The following NPSR1 variants were observed in gnomAD, a reference collection of about 807,000 sequenced individuals.
NPSR1 encodes neuropeptide S receptor.
NPSR1 carries 48 observed loss-of-function variants against 46.9 expected under a neutral mutation model. The observed-to-expected ratio is 1.02, with a 90% CI of 0.81 to 1.30. The LOEUF (loss-of-function observed/expected upper bound fraction) is 1.30, where lower values mean the gene tolerates loss of function less well. Among genes scored for constraint, NPSR1 ranks in the 50% most tolerant of loss-of-function variants. The pLI, the probability that NPSR1 is intolerant of heterozygous loss-of-function variation, is 0.00. For missense variants in NPSR1, 450 were observed against 449.5 expected, an observed-to-expected ratio of 1.00 and a Z score of -0.01; for synonymous variants, 176 against 168.1, an observed-to-expected ratio of 1.05 and a Z score of -0.36.
intron 8 of NPSR1, among the ~76,000 whole-genome samples, chr7:34,862,170 G>A (rs1272437528): frequency 6.6e-6 from 1 of 151,644 alleles, no homozygotes; most frequent in East Asian, 1.9e-4. Context: ...TTGACTTCCT[G>A]TCTGCCAAAA....
intron 4 of NPSR1, 142 bp from the exon 5 acceptor site, chr7:34,827,259 C>T: frequency 4.7e-6 from 3 of 645,142 alleles, no homozygotes; most frequent in Non-Finnish European, 8.2e-6. Flanking sequence ...TCCCTGTTTA[C>T]AGAGAAGGAA....
At chr7:34,751,466 C>T (rs1292193940) in intron 2 of NPSR1, 15 of 1,161,914 alleles carry the variant, frequency 1.3e-5, no homozygotes, top group East Asian at 2.3e-5. Context: ...TTGCAGAAGC[C>T]GCGGATTAGT....
intron 2 of NPSR1, among the ~76,000 whole-genome samples, chr7:34,693,689 CA>C (rs1296849640): frequency 1.3e-5 from 2 of 151,990 alleles, no homozygotes; most frequent in Non-Finnish European, 2.9e-5. Flanking sequence ...ACAACAACAA[CA>C]ATACAAAAAA....
chr7:34,801,717 A>G (rs1313925646), intron 3 of NPSR1, among the ~76,000 whole-genome samples: 1 of 147,650 alleles, frequency 6.8e-6, no homozygotes, highest in East Asian at 2.0e-4. Flanking sequence ...AGTTCTGGCC[A>G]GGGCAATTAG....
At chr7:34,703,869 A>G (rs867609626) in intron 2 of NPSR1, 18 of 149,050 alleles carry the variant, frequency 1.2e-4, no homozygotes, top group African/African-American at 4.5e-4. Flanking sequence ...AAAAATGCGG[A>G]ACTAATAAGA....
At chr7:34,677,541 C>A (rs1045389029) in intron 1 of NPSR1, among the ~76,000 whole-genome samples, 2 of 152,190 alleles carry the variant, frequency 1.3e-5, no homozygotes, top group Admixed American at 1.3e-4. Flanking sequence ...AAAAGGCTTC[C>A]ATATCAGAAG....
intron 8 of NPSR1, among the ~76,000 whole-genome samples, chr7:34,858,282 A>G (rs1426576828): frequency 6.6e-6 from 1 of 151,686 alleles, no homozygotes; most frequent in African/African-American, 2.4e-5. Context: ...TTGGAGGCAA[A>G]ACAAATGCTT....
intron 2 of NPSR1, chr7:34,750,440 G>T (rs991020825): frequency 1.3e-6 from 1 of 743,500 alleles, no homozygotes; most frequent in African/African-American, 1.7e-5. Flanking sequence ...GGGCTCTGGT[G>T]TGACGAAGTC....
At chr7:34,874,728 G>C (rs13307507) in intron 8 of NPSR1, among the ~76,000 whole-genome samples, 2,812 of 152,112 alleles carry the variant, frequency 0.018, 70 homozygotes, top group African/African-American at 0.06. Context: ...ATAATTTAAA[G>C]TGAGCAGAGC....
At chr7:34,749,417 C>G (rs917783913) in intron 2 of NPSR1, among the ~76,000 whole-genome samples, 2 of 152,134 alleles carry the variant, frequency 1.3e-5, no homozygotes, top group South Asian at 2.1e-4. Context: ...TTATTGGGAG[C>G]CTATAATGTT....
At chr7:34,790,809 TTA>T (rs201052201) in intron 3 of NPSR1, among the ~76,000 whole-genome samples, 15,073 of 107,146 alleles carry the variant, frequency 0.14, 1,943 homozygotes, top group East Asian at 0.35. Flanking sequence ...AGGTTATATG[TTA>T]TATATGTTAT....
intron 3 of NPSR1, chr7:34,779,597 TC>T (rs1787137188): frequency 6.2e-6 from 8 of 1,281,640 alleles, no homozygotes; most frequent in Non-Finnish European, 8.1e-6. Context: ...ATAGTTACAA[TC>T]TTCTTTTGTG....
At chr7:34,827,643 C>CGG in intron 5 of NPSR1, 41 bp downstream of exon 5, 11 of 405,046 alleles carry the variant, frequency 2.7e-5, no homozygotes, top group Middle Eastern at 9.4e-4. Context: ...GGGGGTGGGG[C>CGG]GGGGGGGGCT....
intron 1 of NPSR1, among the ~76,000 whole-genome samples, chr7:34,661,832 CTAGGTCT>C (rs1363241694): frequency 6.6e-6 from 1 of 152,162 alleles, no homozygotes; most frequent in Non-Finnish European, 1.5e-5. Flanking sequence ...TCTTCAAGAC[CTAGGTCT>C]TGGCACTAAG....
intron 2 of NPSR1, among the ~76,000 whole-genome samples, chr7:34,688,184 A>G (rs1203798521): frequency 2.6e-5 from 4 of 152,188 alleles, no homozygotes; most frequent in Non-Finnish European, 4.4e-5. Context: ...CATGCACACA[A>G]ACCATCTGCC....
At chr7:34,744,707 A>C (rs1785117543) in intron 2 of NPSR1, among the ~76,000 whole-genome samples, 1 of 152,210 alleles carries the variant, frequency 6.6e-6, no homozygotes, top group Non-Finnish European at 1.5e-5. Context: ...TCAAAACAAC[A>C]TCCATCATCT....
chr7:34,720,743 A>T (rs1343160634), intron 2 of NPSR1, among the ~76,000 whole-genome samples: 2 of 152,128 alleles, frequency 1.3e-5, no homozygotes, highest in Non-Finnish European at 2.9e-5. Flanking sequence ...TGGAGCTTTG[A>T]CCTGCCTCCA....
intron 2 of NPSR1, among the ~76,000 whole-genome samples, chr7:34,687,560 T>G (rs1331609704): frequency 6.6e-6 from 1 of 152,104 alleles, no homozygotes; most frequent in African/African-American, 2.4e-5. Context: ...TTATAAAACA[T>G]CAGATCTTGT....
intron 3 of NPSR1, among the ~76,000 whole-genome samples, chr7:34,781,500 G>T (rs566480135): frequency 2.0e-5 from 3 of 152,318 alleles, no homozygotes; most frequent in African/African-American, 7.2e-5. Flanking sequence ...GAACAAAGAA[G>T]AAAGGTGGAA....
Sources: allele counts gnomAD v4.1 joint callset (sites outside exome capture counted in the v4.1 genomes callset), GRCh38; gene constraint gnomAD v4.1.1; transcripts MANE v1.5; gene names NCBI Gene and HGNC (gene_info 2026-07-23, HGNC 2026-07-21).